The following NDUFAF5 variants were observed in gnomAD, a reference collection of about 807,000 sequenced individuals.
NDUFAF5 encodes NADH:ubiquinone oxidoreductase complex assembly factor 5, also known as arginine-hydroxylase NDUFAF5, mitochondrial.
In NDUFAF5, 34 loss-of-function variants were observed where a neutral mutation model predicts 48.9. That is an observed-to-expected ratio of 0.70 (90% CI 0.53 to 0.93). The LOEUF (loss-of-function observed/expected upper bound fraction) is 0.93. Among genes scored for constraint, NDUFAF5 ranks in the 40% least tolerant of loss-of-function variants. The pLI is 0.00. For synonymous variants in NDUFAF5, 153 were observed against 150.6 expected, an observed-to-expected ratio of 1.02 and a Z score of -0.12; for missense variants, 428 against 427.5, an observed-to-expected ratio of 1.00 and a Z score of -0.01.
Position 13,819,347 on chromosome 20 carries a change from TGTTG to T in NDUFAF5, c.*2141_*2144del, listed in dbSNP as rs1208636869. 1 of 152,170 alleles carries T rather than the reference TGTTG, an allele frequency of 6.6e-6. No individual in the cohort carries two copies. The highest frequency in any genetic ancestry group is 1.5e-5 in the Non-Finnish European group (1 of 68,026). 9.4% of individuals were successfully genotyped at this position (152,170 alleles called of 1,614,324 possible). On this transcript the variant is annotated 3_prime_UTR_variant, in exon 11 of 11. Coordinates refer to ENST00000378106, the MANE Select transcript of NDUFAF5 (RefSeq NM_024120.5). ...GTATATGATAAATAATCATCTTTTT[TGTTG>T]GTTTATTTTTTTATTTTTTATTTTA...
chr20:13,787,940 A>T (rs902551786), intron 2 of NDUFAF5, among the ~76,000 whole-genome samples: 1 of 151,974 alleles, frequency 6.6e-6, no homozygotes, highest in Non-Finnish European at 1.5e-5. Flanking sequence ...GTACCAATGT[A>T]GCATAACATA....
intron 5 of NDUFAF5, among the ~76,000 whole-genome samples, chr20:13,796,717 G>T (rs900407008): frequency 6.6e-6 from 1 of 152,158 alleles, no homozygotes; most frequent in Non-Finnish European, 1.5e-5. Flanking sequence ...GGTGGCTCAC[G>T]CCTATAATCC....
At position 13,794,891 on chromosome 20, in the gene NDUFAF5, A is replaced by T; in HGVS notation, c.429A>T (p.Glu143Asp). ...CTGTCAGCGTTTTAGCTGATGAAGA[A>T]TTCCTTCCCTTCAAAGAAAATACAT... Reference protein sequence around the residue: ...IPTVSVLADEEFLPFKENTFD... With the variant: ...IPTVSVLADEDFLPFKENTFD... The change falls in exon 5 of 11, where the codon GAA becomes GAT. Residue 143 changes from glutamate (E) to aspartate (D), a missense_variant. Glu to Asp is a conservative substitution (Grantham distance 45). Coordinates refer to ENST00000378106, the MANE Select transcript of NDUFAF5 (RefSeq NM_024120.5). 6.2e-7 allele frequency: 1 copy of T among 1,613,904 alleles called. No individual in the cohort carries two copies. The highest frequency in any genetic ancestry group is 8.5e-7 in the Non-Finnish European group (1 of 1,179,754).
chr20:13,801,420 TATTTATTTTTTAAC>T, intron 6 of NDUFAF5, 52 bp from the exon 7 acceptor site: 1 of 1,003,586 alleles, frequency 1.0e-6, no homozygotes, highest in Middle Eastern at 3.1e-4. Flanking sequence ...AGACACTATA[TATTTATTTTTTAAC>T]ATTTATATAT....
At position 13,785,050 on chromosome 20, in the gene NDUFAF5, A is replaced by C; in HGVS notation, c.-19A>C. 1.2e-6 allele frequency: 2 copies of C among 1,604,818 alleles called. No individual in the cohort carries two copies. The highest frequency in any genetic ancestry group is 2.2e-5 in the South Asian group (2 of 90,312). On this transcript the variant is annotated 5_prime_UTR_variant, in exon 1 of 11. Transcript: ENST00000378106. ...CGCATGCGCACAAAAAGCGCCGGCA[A>C]TTGGGGTCGCAGCTGGAGATGCTGC... is the stretch of plus-strand genomic sequence containing the variant.
At chr20:13,808,211 G>GTT (rs1439241380) in intron 7 of NDUFAF5, among the ~76,000 whole-genome samples, 1 of 152,246 alleles carries the variant, frequency 6.6e-6, no homozygotes, top group Non-Finnish European at 1.5e-5. Context: ...AGAAATATGT[G>GTT]TTTGAGATTG....
At chr20:13,794,502 A>G (rs1410730525) in intron 4 of NDUFAF5, among the ~76,000 whole-genome samples, 1 of 151,850 alleles carries the variant, frequency 6.6e-6, no homozygotes, top group Non-Finnish European at 1.5e-5. Flanking sequence ...CTGGTCTCGA[A>G]CTCCTGACTT....
intron 3 of NDUFAF5, among the ~76,000 whole-genome samples, chr20:13,791,025 A>T (rs1464127922): frequency 6.6e-6 from 1 of 152,206 alleles, no homozygotes. Flanking sequence ...TAGTACCTAA[A>T]TCACAATGAG....
chr20:13,816,952 T>A lies in NDUFAF5; in HGVS notation c.940T>A (p.Ser314Thr). 6.2e-7 allele frequency: 1 copy of A among 1,604,346 alleles called. No homozygotes were observed. The highest frequency in any genetic ancestry group is 8.5e-7 in the Non-Finnish European group (1 of 1,171,134). Residue 314 changes from serine to threonine, a missense_variant, in exon 10 of 11, where the codon TCA becomes ACA. By Grantham distance (58) the Ser-to-Thr change is moderately conservative. Coordinates refer to ENST00000378106, the MANE Select transcript of NDUFAF5 (RefSeq NM_024120.5). ...CATGATAGGATGGAAATATCATGAG[T>A]CACAGGTAACGTTACTAAGATGGAT... is the stretch of plus-strand genomic sequence containing the variant. ...YYMIGWKYHE[S>T]QARPAERGSA...
intron 8 of NDUFAF5, chr20:13,814,585 T>A: frequency 1.3e-6 from 1 of 791,726 alleles, no homozygotes; most frequent in Non-Finnish European, 1.9e-6. Flanking sequence ...TTAGGTTTAT[T>A]TTTGATAAGC....
At chr20:13,786,742 G>GT (rs1981218517) in intron 1 of NDUFAF5, among the ~76,000 whole-genome samples, 1 of 152,180 alleles carries the variant, frequency 6.6e-6, no homozygotes, top group Non-Finnish European at 1.5e-5. Flanking sequence ...GCAAAAGGTG[G>GT]TGCTTACCTT....
At chr20:13,810,352 C>T (rs914612761) in intron 8 of NDUFAF5, among the ~76,000 whole-genome samples, 3 of 152,162 alleles carry the variant, frequency 2.0e-5, no homozygotes, top group South Asian at 2.1e-4. Flanking sequence ...CACTTAGCAG[C>T]GTTAAAAGCA....
intron 8 of NDUFAF5, 45 bp downstream of exon 8, chr20:13,808,947 G>C (rs1454566898): frequency 1.5e-6 from 2 of 1,356,142 alleles, no homozygotes; most frequent in Non-Finnish European, 2.1e-6. Context: ...GGAAAGGTAG[G>C]CCAAAAAAAA....
In NDUFAF5 at chr20:13,801,474, T is replaced by C. The variant is rs1206947988; in HGVS notation, c.520-12T>C. 6.4e-7 allele frequency: 1 copy of C among 1,552,850 alleles called. No individual in the cohort carries two copies. The highest frequency in any genetic ancestry group is 1.7e-5 in the Admixed American group (1 of 58,286). On this transcript the variant is annotated splice_polypyrimidine_tract_variant and intron_variant, in intron 6 of 10. Transcript: ENST00000378106. ...AAATTTGAATCATTTTGTTTTCTTG[T>C]ATTTATTACAGATTCATTATATTTT...
At position 13,785,924 on chromosome 20, in the gene NDUFAF5, A is replaced by G. The variant is rs537895324; in HGVS notation, c.222+634A>G. Among the ~76,000 whole-genome samples the G allele has an allele frequency of 1.4e-3, 220 of 152,280 alleles. 2 individuals carry two copies. The highest frequency in any genetic ancestry group is 5.0e-3 in the African/African-American group (209 of 41,556). ...TCTTATGTGGCTACTAGAAAATTTG[A>G]AATTACATATGTGGCTCTCATGATT... On this transcript the variant is annotated intron_variant, in intron 1 of 10. Coordinates refer to ENST00000378106, the MANE Select transcript of NDUFAF5 (RefSeq NM_024120.5).
intron 7 of NDUFAF5, among the ~76,000 whole-genome samples, chr20:13,806,539 G>T (rs1200858332): frequency 6.6e-6 from 1 of 152,154 alleles, no homozygotes; most frequent in Non-Finnish European, 1.5e-5. Context: ...AAAAAATGGT[G>T]CAGATATGGT....
intron 7 of NDUFAF5, among the ~76,000 whole-genome samples, chr20:13,802,318 T>C (rs1465178041): frequency 6.6e-6 from 1 of 152,150 alleles, no homozygotes; most frequent in Non-Finnish European, 1.5e-5. Flanking sequence ...CCCTATTTCT[T>C]TACTAGATAG....
At chr20:13,789,408 G>T (rs1216197201) in intron 3 of NDUFAF5, among the ~76,000 whole-genome samples, 9 of 152,032 alleles carry the variant, frequency 5.9e-5, no homozygotes, top group African/African-American at 2.2e-4. Context: ...CAGGTGATCC[G>T]CCTGTCTCGG....
chr20:13,800,726 A>G (rs113063329), intron 6 of NDUFAF5, among the ~76,000 whole-genome samples: 36 of 152,318 alleles, frequency 2.4e-4, no homozygotes, highest in African/African-American at 8.7e-4. Flanking sequence ...AACAACAACT[A>G]TGTAGCCCAT....
Sources: allele counts gnomAD v4.1 joint callset (sites outside exome capture counted in the v4.1 genomes callset), GRCh38; gene constraint gnomAD v4.1.1; transcripts MANE v1.5; gene names NCBI Gene and HGNC (gene_info 2026-07-23, HGNC 2026-07-21).